The following ACTR3 variants were observed in gnomAD, a reference collection of about 807,000 sequenced individuals.
The protein encoded by ACTR3 is actin-related protein 3.
In ACTR3, 12 loss-of-function variants were observed where a neutral mutation model predicts 56.8. The ratio of observed to expected loss-of-function variants is 0.21; its 90% confidence interval spans 0.14 to 0.34. The LOEUF is 0.34. Ranked by LOEUF, ACTR3 falls within the 10% of genes least tolerant of loss-of-function variation. ACTR3 has a pLI of 1.00. For synonymous variants in ACTR3, 162 were observed against 167.4 expected (o/e 0.97, Z 0.25); for missense variants, 282 against 512.5 (o/e 0.55, Z 4.34).
At chr2:113,898,761 A>T (rs1679051596) in intron 1 of ACTR3, among the ~76,000 whole-genome samples, 1 of 152,178 alleles carries the variant, frequency 6.6e-6, no homozygotes, top group South Asian at 2.1e-4. Flanking sequence ...ATATCTTTGG[A>T]TTTTAATTAT....
chr2:113,910,001 C>T (rs547540646), intron 1 of ACTR3, among the ~76,000 whole-genome samples: 1 of 152,284 alleles, frequency 6.6e-6, no homozygotes, highest in Non-Finnish European at 1.5e-5. Context: ...CATATTCGGA[C>T]ATACAACTCC....
chr2:113,914,981 T>C (rs1230821010), intron 2 of ACTR3, among the ~76,000 whole-genome samples: 1 of 152,246 alleles, frequency 6.6e-6, no homozygotes, highest in Non-Finnish European at 1.5e-5. Context: ...CTCACATTTA[T>C]ATGTCAATAC....
chr2:113,941,950 C>A (rs1679931743), intron 7 of ACTR3, among the ~76,000 whole-genome samples: 1 of 152,094 alleles, frequency 6.6e-6, no homozygotes, highest in Non-Finnish European at 1.5e-5. Context: ...GCTCTCCAGT[C>A]TCTCAAATAC....
At chr2:113,920,705 A>G (rs867150125) in intron 3 of ACTR3, among the ~76,000 whole-genome samples, 1 of 151,944 alleles carries the variant, frequency 6.6e-6, no homozygotes, top group Non-Finnish European at 1.5e-5. Flanking sequence ...CATGAAGTCA[A>G]TTTTTTTAGC....
chr2:113,953,986 A>G (rs1680166882), intron 10 of ACTR3: 1 of 152,158 alleles, frequency 6.6e-6, no homozygotes, highest in Non-Finnish European at 1.5e-5. Flanking sequence ...TTTGTCTTTC[A>G]TGAATGAATG....
chr2:113,962,236 G>A lies in ACTR3; in HGVS notation c.*4781G>A, dbSNP rs1198057521. On this transcript the variant is annotated 3_prime_UTR_variant, in exon 12 of 12. Transcript: ENST00000263238. ...ACTAAGTGATCATGACTTTTCTGAA[G>A]CAGGTCTTAAATAATTATCTAAGCC... 4 of 151,908 alleles carry A rather than the reference G, an allele frequency of 2.6e-5. No individual in the cohort carries two copies. The highest frequency in any genetic ancestry group is 5.9e-5 in the Non-Finnish European group (4 of 67,894). 9.4% of individuals were successfully genotyped at this position (151,908 alleles called of 1,614,324 possible). A position where few individuals can be genotyped will look rare whatever the true frequency, so the allele number is the denominator to read the frequency against.
intron 1 of ACTR3, 101 bp from the exon 2 acceptor site, chr2:113,913,071 C>G: frequency 1.4e-6 from 1 of 725,966 alleles, no homozygotes; most frequent in Non-Finnish European, 2.2e-6. Flanking sequence ...ATATTATTTA[C>G]CTACGATGGA....
intron 1 of ACTR3, among the ~76,000 whole-genome samples, chr2:113,905,688 A>G (rs1394754802): frequency 6.6e-6 from 1 of 152,104 alleles, no homozygotes; most frequent in African/African-American, 2.4e-5. Flanking sequence ...GGCAAATACC[A>G]TTCCACTTTC....
At position 113,894,300 on chromosome 2, in the gene ACTR3, C is replaced by T. The variant is rs62171782; in HGVS notation, c.44+3977C>T. On this transcript the variant is annotated intron_variant, in intron 1 of 11. Transcript: ENST00000263238. ...TAGAGACAGAGTTTCACCATGTTGG[C>T]CAGGCTGTTGTTGAACTCCTGACCT... 8.4e-3 allele frequency among the ~76,000 whole-genome samples: 1,275 copies of T among 152,202 alleles called. 6 individuals are homozygous for T. The highest frequency in any genetic ancestry group is 0.013 in the Non-Finnish European group (893 of 68,010).
chr2:113,917,458 A>G (rs1303375121), intron 3 of ACTR3, among the ~76,000 whole-genome samples: 1 of 151,270 alleles, frequency 6.6e-6, no homozygotes, highest in African/African-American at 2.4e-5. Flanking sequence ...TTGAGGTGTA[A>G]GTATGTAAGT....
intron 3 of ACTR3, among the ~76,000 whole-genome samples, chr2:113,925,495 C>T (rs938677090): frequency 5.3e-5 from 8 of 152,246 alleles, no homozygotes; most frequent in Middle Eastern, 3.4e-3. Context: ...CACGCCCAGT[C>T]GGAACTTTAT....
chr2:113,900,447 C>G (rs2104582647), intron 1 of ACTR3, among the ~76,000 whole-genome samples: 2 of 152,144 alleles, frequency 1.3e-5, no homozygotes, highest in Middle Eastern at 6.8e-3. Flanking sequence ...TCGTTGTCTT[C>G]AGTGGTGATG....
At chr2:113,927,148 CATCT>C (rs146191753) in intron 3 of ACTR3, among the ~76,000 whole-genome samples, 193 bp from the exon 4 acceptor site, 1,759 of 152,220 alleles carry the variant, frequency 0.012, 13 homozygotes, top group Non-Finnish European at 0.016. Context: ...TTGAACCATC[CATCT>C]GACAATGCGT....
At chr2:113,910,306 G>A (rs1312056915) in intron 1 of ACTR3, among the ~76,000 whole-genome samples, 1 of 152,128 alleles carries the variant, frequency 6.6e-6, no homozygotes, top group Non-Finnish European at 1.5e-5. Flanking sequence ...CTGGGAGGGT[G>A]GTACGCTCGA....
chr2:113,923,346 G>GT (rs869162979), intron 3 of ACTR3, among the ~76,000 whole-genome samples: 6 of 34,588 alleles, frequency 1.7e-4, no homozygotes, highest in Admixed American at 3.3e-4. Flanking sequence ...TTGTTTGTTT[G>GT]TTTGTTTTTG....
At chr2:113,903,325 C>G (rs1016996419) in intron 1 of ACTR3, among the ~76,000 whole-genome samples, 1 of 152,098 alleles carries the variant, frequency 6.6e-6, no homozygotes, top group Non-Finnish European at 1.5e-5. Context: ...CTCTAAATTT[C>G]TGTCTTTCAC....
rs556218667 is a variant in ACTR3 at position 113,908,660 on chromosome 2, G to C, written c.45-4512G>C. On this transcript the variant is annotated intron_variant, in intron 1 of 11. Coordinates refer to ENST00000263238, the MANE Select transcript of ACTR3 (RefSeq NM_005721.5). Reference sequence around the variant, plus strand: ...TTAAAATTATTGCAATGTATTTTCTGTACGCTTATTCTCTGAACTTTGACT... The same window carrying C: ...TTAAAATTATTGCAATGTATTTTCTCTACGCTTATTCTCTGAACTTTGACT... Among the ~76,000 whole-genome samples the C allele has an allele frequency of 5.9e-5, 9 of 151,730 alleles. No individual in the cohort carries two copies. In the South Asian group the frequency reaches 1.9e-3, roughly 32 times the overall value.
At chr2:113,890,877 T>G (rs1478259455) in intron 1 of ACTR3, 1 of 756,456 alleles carries the variant, frequency 1.3e-6, no homozygotes, top group Non-Finnish European at 1.6e-6. Context: ...AGTGGGGCTT[T>G]CATTTGACCA....
intron 8 of ACTR3, among the ~76,000 whole-genome samples, chr2:113,942,932 C>T (rs147621165): frequency 1.2e-3 from 176 of 152,174 alleles, no homozygotes; most frequent in African/African-American, 4.0e-3. Context: ...ACTAATATTA[C>T]GTACTTACTC....
Sources: gnomAD v4.1 joint callset for allele counts (sites outside exome capture counted in the v4.1 genomes callset) on GRCh38, gnomAD v4.1.1 for gene constraint, MANE v1.5 for transcripts, NCBI Gene and HGNC (gene_info 2026-07-23, HGNC 2026-07-21) for gene names.